LDLRAD4: variants seen among roughly 807,000 people sequenced by gnomAD.
The protein encoded by LDLRAD4 is low density lipoprotein receptor class A domain containing 4, also known as low-density lipoprotein receptor class A domain-containing protein 4.
Under a neutral mutation model 17.0 loss-of-function variants are expected in LDLRAD4, and 5 were observed. That is an observed-to-expected ratio of 0.29 (90% CI 0.15 to 0.62). The LOEUF (loss-of-function observed/expected upper bound fraction) is 0.62, where lower values mean the gene tolerates loss of function less well. Among genes scored for constraint, LDLRAD4 ranks in the 20% least tolerant of loss-of-function variants. LDLRAD4 has a pLI of 0.84. For missense variants in LDLRAD4, 340 were observed against 424.7 expected (o/e 0.80, Z 1.75); for synonymous variants, 168 against 171.8 (o/e 0.98, Z 0.17).
At chr18:13,643,830 C>T (rs1433427113) in intron 5 of LDLRAD4, among the ~76,000 whole-genome samples, 1 of 152,040 alleles carries the variant, frequency 6.6e-6, no homozygotes, top group African/African-American at 2.4e-5. Context: ...TCTGTATGTA[C>T]GTGTGTAGAT....
chr18:13,573,904 C>T (rs759393554), intron 3 of LDLRAD4, among the ~76,000 whole-genome samples: 1 of 152,210 alleles, frequency 6.6e-6, no homozygotes, highest in Non-Finnish European at 1.5e-5. Context: ...CGCGCTCCTT[C>T]TCCTGTTCCC....
chr18:13,585,803 A>G (rs1239135563), intron 3 of LDLRAD4, among the ~76,000 whole-genome samples: 1 of 152,224 alleles, frequency 6.6e-6, no homozygotes, highest in Non-Finnish European at 1.5e-5. Context: ...ATATTACAGA[A>G]TAATAAGCTC....
rs1373265891 is a variant in LDLRAD4 at position 13,612,760 on chromosome 18, T to G, written c.182-8357T>G. ...CTGAAGGAGGCTCAGTTCAAAGACC[T>G]GTTCTTAAAAAAAGGTACATTTCCC... is the stretch of plus-strand genomic sequence containing the variant. On this transcript the variant is annotated intron_variant, in intron 3 of 5. Transcript: ENST00000359446. 6 of 1,613,910 alleles carry G rather than the reference T, an allele frequency of 3.7e-6. No homozygotes were observed. The Admixed American group carries it at 1.0e-4, about 27-fold the overall frequency.
chr18:13,451,660 G>A (rs940517418), intron 3 of LDLRAD4, among the ~76,000 whole-genome samples: 3 of 152,208 alleles, frequency 2.0e-5, no homozygotes, highest in Non-Finnish European at 4.4e-5. Flanking sequence ...CTGGAGGCTG[G>A]GAAGTCCAGG....
chr18:13,468,994 GTA>G (rs929822132), intron 3 of LDLRAD4, among the ~76,000 whole-genome samples: 1 of 150,388 alleles, frequency 6.6e-6, no homozygotes, highest in Non-Finnish European at 1.5e-5. Context: ...AAAACTTAAA[GTA>G]TAATAATAAT....
intron 1 of LDLRAD4, among the ~76,000 whole-genome samples, chr18:13,305,204 T>TA (rs1379606525): frequency 6.6e-6 from 1 of 152,200 alleles, no homozygotes; most frequent in Non-Finnish European, 1.5e-5. Context: ...GCGTACCTGT[T>TA]ATAAAAAGTT....
At position 13,302,854 on chromosome 18, in the gene LDLRAD4, GAGTTATGTTACGTGC is replaced by G. The variant is rs1487766364; in HGVS notation, c.-383+24678_-383+24692del. Among the ~76,000 whole-genome samples the G allele has an allele frequency of 2.2e-4, 33 of 152,298 alleles. 1 individual carries two copies. The South Asian group carries it at 6.8e-3, about 32-fold the overall frequency. On this transcript the variant is annotated intron_variant, in intron 1 of 5. Coordinates refer to ENST00000359446, the Ensembl canonical transcript of LDLRAD4. ...CATGTTTATGCAGTTTTGTTATATG[GAGTTATGTTACGTGC>G]AGTTATGTTACATGCAGTGCAGTTA... is the stretch of plus-strand genomic sequence containing the variant.
chr18:13,303,548 T>G (rs1371598147), intron 1 of LDLRAD4, among the ~76,000 whole-genome samples: 1 of 152,134 alleles, frequency 6.6e-6, no homozygotes, highest in Non-Finnish European at 1.5e-5. Context: ...CCTGGGCTGG[T>G]CTCAAACTCC....
chr18:13,302,189 C>T (rs188306288), intron 1 of LDLRAD4, among the ~76,000 whole-genome samples: 38 of 152,312 alleles, frequency 2.5e-4, no homozygotes, highest in Middle Eastern at 3.4e-3. Context: ...ACTGCTGTCG[C>T]CGGCTGTTTG....
Position 13,528,031 on chromosome 18 carries a change from A to G in LDLRAD4, c.181+89647A>G, listed in dbSNP as rs116169029. On this transcript the variant is annotated intron_variant, in intron 3 of 5. Coordinates refer to ENST00000359446, the Ensembl canonical transcript of LDLRAD4. ...GACACTCCCTCCTGGCTTCCTAGTG[A>G]CTGTCGTCTGCCTTTCTACCCAAAG... is the stretch of plus-strand genomic sequence containing the variant. Among the ~76,000 whole-genome samples the G allele has an allele frequency of 6.7e-3, 1,026 of 152,132 alleles. 9 individuals are homozygous for G. The highest frequency in any genetic ancestry group is 0.023 in the African/African-American group (963 of 41,506).
rs2086911781 is a variant in LDLRAD4 at position 13,398,766 on chromosome 18, A to G, written c.40+11004A>G. Among the ~76,000 whole-genome samples, 1 of 151,968 alleles carries G rather than the reference A, an allele frequency of 6.6e-6. No individual in the cohort carries two copies. The highest frequency in any genetic ancestry group is 1.5e-5 in the Non-Finnish European group (1 of 68,006). On this transcript the variant is annotated intron_variant, in intron 2 of 5. Transcript: ENST00000359446. The surrounding 1 kb of genome is among the most constrained non-coding windows in gnomAD (Gnocchi z 4.8). ...TGACCACCAGCCTGGACGTGGGGAT[A>G]CGTCTCTGCAGAACCAGGCCCTGCC... is the stretch of plus-strand genomic sequence containing the variant.
intron 3 of LDLRAD4, among the ~76,000 whole-genome samples, chr18:13,604,995 G>A (rs2095207256): frequency 1.3e-5 from 2 of 152,180 alleles, no homozygotes; most frequent in African/African-American, 2.4e-5. Flanking sequence ...CAAGGAACAG[G>A]AAGGCCGAGG....
At chr18:13,516,290 G>C (rs1008453033) in intron 3 of LDLRAD4, among the ~76,000 whole-genome samples, 1 of 152,216 alleles carries the variant, frequency 6.6e-6, no homozygotes, top group African/African-American at 2.4e-5. Context: ...TTCGAATGAG[G>C]TTGAACCTTT....
At chr18:13,381,099 A>T (rs1436271354) in intron 1 of LDLRAD4, among the ~76,000 whole-genome samples, 1 of 72,864 alleles carries the variant, frequency 1.4e-5, no homozygotes, top group African/African-American at 3.9e-5. Context: ...TTTTGAAGAG[A>T]CAGGGTCTTG....
intron 1 of LDLRAD4, among the ~76,000 whole-genome samples, chr18:13,362,975 C>A: frequency 6.6e-6 from 1 of 152,016 alleles, no homozygotes; most frequent in South Asian, 2.1e-4. Context: ...TGTGCTCTGT[C>A]GTTAGTTATC....
intron 4 of LDLRAD4, among the ~76,000 whole-genome samples, chr18:13,627,405 G>A (rs776202410): frequency 2.0e-5 from 3 of 152,176 alleles, no homozygotes; most frequent in Admixed American, 6.5e-5. Flanking sequence ...TGTGCTGCCC[G>A]GGCTGTCACC....
At chr18:13,616,838 G>A (rs1261017222) in intron 3 of LDLRAD4, among the ~76,000 whole-genome samples, 1 of 152,206 alleles carries the variant, frequency 6.6e-6, no homozygotes, top group Non-Finnish European at 1.5e-5. Flanking sequence ...AGGCTCCTGA[G>A]GACAGTGTTC....
chr18:13,546,015 A>G (rs939179018), intron 3 of LDLRAD4, among the ~76,000 whole-genome samples: 1 of 152,144 alleles, frequency 6.6e-6, no homozygotes, highest in African/African-American at 2.4e-5. Context: ...TCACAGGCCC[A>G]TTACCTTCCC....
In LDLRAD4 at chr18:13,378,812, G is replaced by A. The variant is rs1172651788; in HGVS notation, c.-382-8529G>A. On this transcript the variant is annotated intron_variant, in intron 1 of 5. Transcript: ENST00000359446. ...GCTGGCATGGAATGATTTGAGCTTT[G>A]ATTTTTATCTATTGGGAACTTTTTA... Among the ~76,000 whole-genome samples the A allele has an allele frequency of 3.9e-5, 6 of 152,108 alleles. No homozygotes were observed. The South Asian group carries it at 1.2e-3, about 32-fold the overall frequency.
Sources: allele counts gnomAD v4.1 joint callset (sites outside exome capture counted in the v4.1 genomes callset), GRCh38; gene constraint gnomAD v4.1.1; non-coding constraint Gnocchi (gnomAD v3.1); transcripts MANE v1.5; gene names NCBI Gene and HGNC (gene_info 2026-07-23, HGNC 2026-07-21).